The following MICU3 variants were observed in gnomAD, a reference collection of about 807,000 sequenced individuals.
MICU3 encodes the protein mitochondrial calcium uptake 3.
A neutral mutation model predicts 66.5 loss-of-function variants in MICU3; 62 were observed. The ratio of observed to expected loss-of-function variants is 0.93; its 90% confidence interval spans 0.76 to 1.15. The LOEUF is 1.15. MICU3 is among the 50% of genes most tolerant of loss of function. The pLI, the probability that MICU3 is intolerant of heterozygous loss-of-function variation, is 0.00. For missense variants in MICU3, 779 were observed against 664.4 expected, an observed-to-expected ratio of 1.17 and a Z score of -1.90; for synonymous variants, 308 against 240.7, an observed-to-expected ratio of 1.28 and a Z score of -2.59.
the MICU3 span, among the ~76,000 whole-genome samples, chr8:17,129,065 G>A: frequency 6.6e-6 from 1 of 152,152 alleles, no homozygotes; most frequent in Non-Finnish European, 1.5e-5. Context: ...AAAGGTCACA[G>A]GTTAGGGGTA....
intron 1 of MICU3, among the ~76,000 whole-genome samples, chr8:17,033,094 G>A (rs964091850): frequency 3.9e-5 from 6 of 152,142 alleles, no homozygotes; most frequent in African/African-American, 1.4e-4. Flanking sequence ...AATTAGGTCA[G>A]TTACTAATCC....
chr8:17,056,018 A>G (rs1816868334), intron 1 of MICU3, among the ~76,000 whole-genome samples: 1 of 152,194 alleles, frequency 6.6e-6, no homozygotes. Context: ...ACACACACTA[A>G]GACCCACAGA....
rs368489352 is a variant in MICU3, at chr8:17,055,024, A to G, written c.382-9060A>G. Among the ~76,000 whole-genome samples the G allele has an allele frequency of 1.8e-4, 28 of 152,266 alleles. No homozygotes were observed. The East Asian group carries it at 4.8e-3, about 26-fold the overall frequency. Reference sequence around the variant, plus strand: ...AGTGCTGGGATTACAAGCATGAGCCACCGTGCCCAGCCCCAAACGTTTTCT... The same window carrying G: ...AGTGCTGGGATTACAAGCATGAGCCGCCGTGCCCAGCCCCAAACGTTTTCT... On this transcript the variant is annotated intron_variant, in intron 1 of 14. Coordinates refer to ENST00000318063, the MANE Select transcript of MICU3 (RefSeq NM_181723.3).
At chr8:17,135,568 C>G in the MICU3 span, among the ~76,000 whole-genome samples, 1 of 152,016 alleles carries the variant, frequency 6.6e-6, no homozygotes, top group Non-Finnish European at 1.5e-5. Context: ...TACATGCAAA[C>G]TAAGGCAAAT....
chr8:17,113,151 T>G (rs1802358872), intron 11 of MICU3, among the ~76,000 whole-genome samples: 3 of 152,182 alleles, frequency 2.0e-5, no homozygotes, highest in African/African-American at 7.2e-5. Flanking sequence ...GTAGCTGGCT[T>G]ATATGAAACT....
intron 1 of MICU3, among the ~76,000 whole-genome samples, chr8:17,052,153 G>T (rs1165813773): frequency 1.3e-5 from 2 of 152,064 alleles, no homozygotes. Context: ...TTATAAACTT[G>T]TAAAGAACCC....
At chr8:17,082,028 A>T (rs1276384559) in intron 5 of MICU3, 1 of 240,542 alleles carries the variant, frequency 4.2e-6, no homozygotes, top group East Asian at 1.5e-4. Flanking sequence ...ATGACATGTA[A>T]TAATTTATAA....
chr8:17,040,825 A>G (rs561078246), intron 1 of MICU3, among the ~76,000 whole-genome samples: 4 of 152,330 alleles, frequency 2.6e-5, no homozygotes, highest in African/African-American at 7.2e-5. Flanking sequence ...CTGTCTGAAA[A>G]TAATAAATGG....
intron 5 of MICU3, among the ~76,000 whole-genome samples, chr8:17,082,763 G>GT (rs1410728811): frequency 6.6e-6 from 1 of 152,064 alleles, no homozygotes; most frequent in Non-Finnish European, 1.5e-5. Context: ...AAAATACCTT[G>GT]TACTTCTTTG....
intron 2 of MICU3, among the ~76,000 whole-genome samples, chr8:17,064,851 A>T (rs1199355893): frequency 2.0e-5 from 3 of 152,130 alleles, no homozygotes; most frequent in Non-Finnish European, 4.4e-5. Flanking sequence ...GAGTATTTTA[A>T]TTGCCTTTTT....
chr8:17,124,701 G>C (rs757419771), downstream of MICU3, among the ~76,000 whole-genome samples: 1 of 151,592 alleles, frequency 6.6e-6, no homozygotes, highest in Admixed American at 6.6e-5. Flanking sequence ...TTGAGATCTC[G>C]TGTGCTGAAA....
At chr8:17,031,725 C>T (rs1563261003) in intron 1 of MICU3, among the ~76,000 whole-genome samples, 1 of 152,006 alleles carries the variant, frequency 6.6e-6, no homozygotes, top group Non-Finnish European at 1.5e-5. Context: ...GTAAATTAAC[C>T]TGTATGTGTT....
intron 11 of MICU3, among the ~76,000 whole-genome samples, chr8:17,111,697 G>C (rs1017044537): frequency 3.9e-5 from 6 of 152,088 alleles, no homozygotes; most frequent in African/African-American, 1.4e-4. Context: ...TTTTATAAAT[G>C]GTATGAAGTT....
At chr8:17,031,845 G>A (rs370493996) in intron 1 of MICU3, among the ~76,000 whole-genome samples, 4 of 152,058 alleles carry the variant, frequency 2.6e-5, no homozygotes, top group Admixed American at 6.6e-5. Context: ...CTCTCAACTC[G>A]GAATGCCTTC....
chr8:17,041,056 A>G (rs1336586996), intron 1 of MICU3, among the ~76,000 whole-genome samples: 2 of 152,226 alleles, frequency 1.3e-5, no homozygotes, highest in African/African-American at 4.8e-5. Flanking sequence ...ATTTGGATGC[A>G]TAAGTCAGAA....
chr8:17,055,114 C>G (rs1164040648), intron 1 of MICU3, among the ~76,000 whole-genome samples: 2 of 152,106 alleles, frequency 1.3e-5, no homozygotes. Context: ...ATTTGGAAAA[C>G]AAGGCCAGGC....
intron 2 of MICU3, among the ~76,000 whole-genome samples, chr8:17,066,172 A>G (rs577264968): frequency 3.3e-5 from 5 of 152,062 alleles, no homozygotes; most frequent in Admixed American, 6.6e-5. Context: ...GTGAGTTAGT[A>G]TAGATTTAAT....
In MICU3 at chr8:17,114,700, G is replaced by A. The variant is rs866518882; in HGVS notation, c.1366+499G>A. Among the ~76,000 whole-genome samples the A allele has an allele frequency of 2.6e-5, 4 of 152,142 alleles. 1 individual carries two copies. The highest frequency in any genetic ancestry group is 5.9e-5 in the Non-Finnish European group (4 of 68,024). On this transcript the variant is annotated intron_variant, in intron 12 of 14. Transcript: ENST00000318063. ...CAAGCCCTTTTCCTAGGATCCTGTG[G>A]CTGTGATCACCTTCCCTCTCCTCAT...
At chr8:17,074,397 A>G (rs1820066073) in intron 3 of MICU3, among the ~76,000 whole-genome samples, 1 of 152,188 alleles carries the variant, frequency 6.6e-6, no homozygotes, top group Non-Finnish European at 1.5e-5. Flanking sequence ...AACTGCTACT[A>G]TAGACAACTG....
Sources: gnomAD v4.1 joint callset for allele counts (sites outside exome capture counted in the v4.1 genomes callset) on GRCh38, gnomAD v4.1.1 for gene constraint, MANE v1.5 for transcripts, NCBI Gene and HGNC (gene_info 2026-07-23, HGNC 2026-07-21) for gene names.